PIP5K1B: variants seen among roughly 807,000 people sequenced by gnomAD.
PIP5K1B encodes phosphatidylinositol-4-phosphate 5-kinase type 1 beta.
PIP5K1B carries 42 observed loss-of-function variants against 67.0 expected under a neutral mutation model. The ratio of observed to expected loss-of-function variants is 0.63; its 90% CI spans 0.49 to 0.81. The LOEUF (loss-of-function observed/expected upper bound fraction) is 0.81. Among genes scored for constraint, PIP5K1B ranks in the 30% least tolerant of loss-of-function variants. The pLI, the probability that PIP5K1B is intolerant of heterozygous loss-of-function variation, is 0.00. For synonymous variants in PIP5K1B, 214 were observed against 231.4 expected, an observed-to-expected ratio of 0.92 and a Z score of 0.68; for missense variants, 459 against 646.3, an observed-to-expected ratio of 0.71 and a Z score of 3.14.
chr9:68,833,398 G>C (rs1003987623), intron 4 of PIP5K1B, among the ~76,000 whole-genome samples: 14 of 152,232 alleles, frequency 9.2e-5, no homozygotes, highest in African/African-American at 3.4e-4. Flanking sequence ...TCAAGGAACT[G>C]AGGTGGAGGC....
At chr9:68,822,312 G>A in intron 3 of PIP5K1B, 1 of 214,908 alleles carries the variant, frequency 4.7e-6, no homozygotes, top group Non-Finnish European at 9.2e-6. Flanking sequence ...GGGTGATAGA[G>A]TGAAACCCCA....
chr9:68,755,838 A>T (rs1322902569), intron 2 of PIP5K1B, among the ~76,000 whole-genome samples: 1 of 152,234 alleles, frequency 6.6e-6, no homozygotes, highest in Non-Finnish European at 1.5e-5. Flanking sequence ...TGGTTCACCC[A>T]CAGTCTTCAA....
intron 4 of PIP5K1B, among the ~76,000 whole-genome samples, chr9:68,837,028 A>G (rs774940952): frequency 6.6e-5 from 10 of 152,218 alleles, no homozygotes; most frequent in Non-Finnish European, 1.0e-4. Context: ...CTTCCTGCTT[A>G]TTGACCCAAA....
intron 1 of PIP5K1B, among the ~76,000 whole-genome samples, chr9:68,716,960 C>T (rs10115470): frequency 7.2e-5 from 11 of 152,224 alleles, no homozygotes; most frequent in Middle Eastern, 3.4e-3. Flanking sequence ...ACCTGGAGGC[C>T]GTTATCCTAA....
intron 6 of PIP5K1B, among the ~76,000 whole-genome samples, chr9:68,885,660 A>T (rs1460273450): frequency 1.3e-5 from 2 of 150,620 alleles, no homozygotes; most frequent in East Asian, 4.0e-4. Flanking sequence ...GCAGAGTGGT[A>T]TAATGGACAT....
chr9:68,792,465 GTTGTTTGTTTGT>G (rs202162149), intron 2 of PIP5K1B, among the ~76,000 whole-genome samples: 1 of 110,872 alleles, frequency 9.0e-6, no homozygotes, highest in South Asian at 3.0e-4. Flanking sequence ...TTTTTTTGTT[GTTGTTTGTTTGT>G]TTGTTTGTTT....
intron 2 of PIP5K1B, among the ~76,000 whole-genome samples, chr9:68,806,443 C>T (rs10511963): frequency 0.22 from 34,072 of 152,170 alleles, 4,671 homozygotes; most frequent in East Asian, 0.33. Context: ...AGTCACCCTT[C>T]AAATCTGGTT....
chr9:68,787,058 A>G (rs568118211), intron 2 of PIP5K1B, among the ~76,000 whole-genome samples: 1 of 152,250 alleles, frequency 6.6e-6, no homozygotes, highest in East Asian at 1.9e-4. Context: ...CGGTTATGGG[A>G]TTGGCTTCTC....
chr9:68,775,012 T>G (rs1830847239), intron 2 of PIP5K1B, among the ~76,000 whole-genome samples: 1 of 152,230 alleles, frequency 6.6e-6, no homozygotes. Context: ...TCCAAACCTA[T>G]TACCAAGTCG....
intron 1 of PIP5K1B, among the ~76,000 whole-genome samples, chr9:68,721,903 G>A (rs976545478): frequency 1.3e-5 from 2 of 152,082 alleles, no homozygotes; most frequent in South Asian, 2.1e-4. Context: ...GGCTCATTCC[G>A]TTGTTTTCTT....
chr9:68,870,668 TG>T (rs1289534550), intron 5 of PIP5K1B, among the ~76,000 whole-genome samples: 1 of 152,242 alleles, frequency 6.6e-6, no homozygotes, highest in Non-Finnish European at 1.5e-5. Context: ...TGGATTGTAG[TG>T]GCATTCACCC....
intron 15 of PIP5K1B, among the ~76,000 whole-genome samples, chr9:68,991,976 T>TGGG (rs199887177): frequency 2.7e-5 from 4 of 150,396 alleles, no homozygotes; most frequent in Non-Finnish European, 5.9e-5. Context: ...AAAATTTTTT[T>TGGG]TGGGGGGGGG....
chr9:68,903,697 A>C (rs1401738095), intron 8 of PIP5K1B, among the ~76,000 whole-genome samples: 1 of 152,206 alleles, frequency 6.6e-6, no homozygotes, highest in Non-Finnish European at 1.5e-5. Flanking sequence ...GGGTAGCTAC[A>C]AAAATCAAAA....
rs551511949 is a variant in PIP5K1B at position 68,812,280 on chromosome 9, C to A, written c.-85-6181C>A. Among the ~76,000 whole-genome samples, 23 of 152,312 alleles carry A rather than the reference C, an allele frequency of 1.5e-4. No individual in the cohort carries two copies. In the South Asian group the frequency reaches 2.1e-3, roughly 14 times the overall value. Reference sequence around the variant, plus strand: ...ACATATGTGGCAGCATTTCACACATCGTAGTTGCTCAATACATGATCTTCC... The same window carrying A: ...ACATATGTGGCAGCATTTCACACATAGTAGTTGCTCAATACATGATCTTCC... On this transcript the variant is annotated intron_variant, in intron 2 of 15. Coordinates refer to ENST00000265382, the MANE Select transcript of PIP5K1B (RefSeq NM_003558.4).
At chr9:68,801,054 T>A (rs1373050385) in intron 2 of PIP5K1B, among the ~76,000 whole-genome samples, 1 of 152,236 alleles carries the variant, frequency 6.6e-6, no homozygotes, top group Non-Finnish European at 1.5e-5. Flanking sequence ...CACCTGCTAC[T>A]ACCACACAGG....
At chr9:68,781,309 AT>A (rs904650052) in intron 2 of PIP5K1B, 2 of 305,586 alleles carry the variant, frequency 6.5e-6, no homozygotes, top group South Asian at 6.2e-5. Context: ...TTATCCCTTG[AT>A]TTTTTTAAAT....
chr9:68,988,444 G>GTTTTTTTTTTTT (rs61373302), intron 14 of PIP5K1B, among the ~76,000 whole-genome samples: 1 of 109,990 alleles, frequency 9.1e-6, no homozygotes, highest in Non-Finnish European at 1.8e-5. Flanking sequence ...TTTTTTTGGG[G>GTTTTTTTTTTTT]TTTTTTTTTT....
rs137885336 is a variant in PIP5K1B at position 68,947,372 on chromosome 9, T to G, written c.1502+6582T>G. Among the ~76,000 whole-genome samples, 1,004 of 152,162 alleles carry G rather than the reference T, an allele frequency of 6.6e-3. 13 individuals are homozygous for G. The highest frequency in any genetic ancestry group is 0.023 in the African/African-American group (960 of 41,518). ...CACCTCCAGAGACACTGCCCTGAAA[T>G]GGAAGAAAGATAAATGAGAGCAGAA... On this transcript the variant is annotated intron_variant, in intron 14 of 15. Transcript: ENST00000265382.
intron 1 of PIP5K1B, among the ~76,000 whole-genome samples, chr9:68,720,504 A>AT (rs200134056): frequency 8.2e-5 from 12 of 146,294 alleles, no homozygotes; most frequent in East Asian, 6.0e-4. Context: ...ACACACCCTC[A>AT]TTTTTTTTTT....
Sources: gnomAD v4.1 joint callset for allele counts (sites outside exome capture counted in the v4.1 genomes callset) on GRCh38, gnomAD v4.1.1 for gene constraint, MANE v1.5 for transcripts, NCBI Gene and HGNC (gene_info 2026-07-23, HGNC 2026-07-21) for gene names.